XXYLT1: variants seen among roughly 807,000 people sequenced by gnomAD.
XXYLT1 encodes the protein xyloside xylosyltransferase 1.
XXYLT1 carries 20 observed loss-of-function variants against 28.9 expected under a neutral mutation model. That is an observed-to-expected ratio of 0.69 (90% CI 0.49 to 1.00). The LOEUF (loss-of-function observed/expected upper bound fraction) is 1.00, where lower values mean the gene tolerates loss of function less well. XXYLT1 is among the 50% of genes least tolerant of loss of function. The pLI, the probability that XXYLT1 is intolerant of heterozygous loss-of-function variation, is 0.00. For missense variants in XXYLT1, 542 were observed against 560.1 expected, an observed-to-expected ratio of 0.97 and a Z score of 0.33; for synonymous variants, 257 against 253.8, an observed-to-expected ratio of 1.01 and a Z score of -0.12.
At chr3:195,186,504 A>C (rs890756920) in intron 2 of XXYLT1, among the ~76,000 whole-genome samples, 1 of 151,774 alleles carries the variant, frequency 6.6e-6, no homozygotes, top group African/African-American at 2.4e-5. Context: ...AAGCTTTTCC[A>C]CTCAATATGC....
intron 2 of XXYLT1, among the ~76,000 whole-genome samples, chr3:195,197,506 A>G (rs961251081): frequency 2.0e-5 from 3 of 152,158 alleles, no homozygotes; most frequent in African/African-American, 7.2e-5. Flanking sequence ...TGAGAACCAA[A>G]TATTAGTGGC....
At position 195,271,114 on chromosome 3, in the gene XXYLT1, C is replaced by T; in HGVS notation, c.-56G>A. The T allele has an allele frequency of 1.6e-6, 2 of 1,278,440 alleles. No homozygotes were observed. The highest frequency in any genetic ancestry group is 2.0e-6 in the Non-Finnish European group (2 of 1,014,938). The allele number at this position is 1,278,440 out of a possible 1,614,324, so 79.2% of individuals were successfully genotyped here. ...AGCAACGCGGGAGAGCCCTCGGGTA[C>T]CCGGACGCCGGCGGCCACTTAGCCC... On this transcript the variant is annotated 5_prime_UTR_variant, in exon 1 of 4. Coordinates refer to ENST00000310380, the MANE Select transcript of XXYLT1 (RefSeq NM_152531.5).
At position 195,156,504 on chromosome 3, in the gene XXYLT1, T is replaced by C. The variant is rs1243807507; in HGVS notation, c.730A>G (p.Ser244Gly). 2 of 1,614,226 alleles carry C rather than the reference T, an allele frequency of 1.2e-6. No individual in the cohort carries two copies. Among genetic ancestry groups the C allele is most frequent in the South Asian group, 1.1e-5 (1 of 91,090 alleles). The part of the protein sequence containing the change: ...NIRELFEEFD[S>G]FLPGAIIGIA... ...CCGATGATGGCGCCTGGCAGGAAAC[T>C]GTCAAATTCCTCAAACAACTCCCGG... Residue 244 changes from serine to glycine, a missense_variant, in exon 3 of 4, where the codon AGT (serine) becomes GGT (glycine). Coordinates refer to ENST00000310380, the MANE Select transcript of XXYLT1 (RefSeq NM_152531.5).
At chr3:195,110,759 AGT>A (rs776332958) in intron 3 of XXYLT1, among the ~76,000 whole-genome samples, 3 of 81,262 alleles carry the variant, frequency 3.7e-5, no homozygotes, top group Admixed American at 1.2e-4. Context: ...GTGGTGTATA[AGT>A]GTGTGTGGTG....
chr3:195,137,597 T>G (rs1719266255), intron 3 of XXYLT1, among the ~76,000 whole-genome samples: 1 of 152,212 alleles, frequency 6.6e-6, no homozygotes, highest in South Asian at 2.1e-4. Context: ...ACAAATTCCT[T>G]CTGGCTTCAG....
chr3:195,139,559 T>C (rs1236204312), intron 3 of XXYLT1, among the ~76,000 whole-genome samples: 1 of 152,334 alleles, frequency 6.6e-6, no homozygotes, highest in Non-Finnish European at 1.5e-5. Flanking sequence ...CTCTAGGCTA[T>C]ATACCTCTTG....
At chr3:195,172,473 C>A (rs1250284950) in intron 2 of XXYLT1, among the ~76,000 whole-genome samples, 1 of 152,232 alleles carries the variant, frequency 6.6e-6, no homozygotes, top group African/African-American at 2.4e-5. Flanking sequence ...CAACAACACA[C>A]TGCAAAGTTC....
At chr3:195,188,391 C>G (rs1316302193) in intron 2 of XXYLT1, among the ~76,000 whole-genome samples, 2 of 152,198 alleles carry the variant, frequency 1.3e-5, no homozygotes, top group Non-Finnish European at 2.9e-5. Context: ...ATTGCCATGG[C>G]AACAACCTGA....
Position 195,238,195 on chromosome 3 carries a change from C to G in XXYLT1, c.505-11339G>C, listed in dbSNP as rs193152627. ...TGGGCAGCACTGAACCAGGCAGTCT[C>G]CCGTCTACTGGCCACACCTGGATGA... On this transcript the variant is annotated intron_variant, in intron 1 of 3. Transcript: ENST00000310380. Among the ~76,000 whole-genome samples, 4 of 152,286 alleles carry G rather than the reference C, an allele frequency of 2.6e-5. No individual in the cohort carries two copies. In the East Asian group the frequency reaches 5.8e-4, roughly 22 times the overall value.
intron 2 of XXYLT1, among the ~76,000 whole-genome samples, chr3:195,169,804 A>G (rs891508161): frequency 6.6e-6 from 1 of 151,432 alleles, no homozygotes; most frequent in African/African-American, 2.4e-5. Flanking sequence ...TATATGTTCT[A>G]TGTAGGAGTA....
At chr3:195,247,211 G>C (rs1725059524) in intron 1 of XXYLT1, among the ~76,000 whole-genome samples, 1 of 152,212 alleles carries the variant, frequency 6.6e-6, no homozygotes. Context: ...GGTGAGATGG[G>C]AGAAGAGGGC....
chr3:195,148,438 T>G (rs1719989528), intron 3 of XXYLT1, among the ~76,000 whole-genome samples: 1 of 142,546 alleles, frequency 7.0e-6, no homozygotes, highest in South Asian at 2.3e-4. Context: ...AGGCTCAATC[T>G]TGGTTAATTT....
chr3:195,236,716 A>G (rs1167804919), intron 1 of XXYLT1, among the ~76,000 whole-genome samples: 1 of 152,058 alleles, frequency 6.6e-6, no homozygotes, highest in Non-Finnish European at 1.5e-5. Flanking sequence ...ATCTGAAGCC[A>G]GCAGGTCTCA....
At chr3:195,178,648 C>G (rs1424766381) in intron 2 of XXYLT1, among the ~76,000 whole-genome samples, 1 of 152,202 alleles carries the variant, frequency 6.6e-6, no homozygotes, top group Non-Finnish European at 1.5e-5. Flanking sequence ...TGTGTCTGCC[C>G]TCTCCCAGTG....
Position 195,129,638 on chromosome 3 carries a change from T to G in XXYLT1, c.785+26811A>C, listed in dbSNP as rs945748957. On this transcript the variant is annotated intron_variant, in intron 3 of 3. Coordinates refer to ENST00000310380, the MANE Select transcript of XXYLT1 (RefSeq NM_152531.5). The surrounding 1 kb of genome is among the most constrained non-coding windows in gnomAD (Gnocchi z 4.4). ...TCATCAGTTGATAGACATTTGGTGA[T>G]TTCCACCTTTTGGCTATTATGAATA... Among the ~76,000 whole-genome samples the G allele has an allele frequency of 6.6e-6, 1 of 152,244 alleles. No individual in the cohort carries two copies. Among genetic ancestry groups the G allele is most frequent in the Non-Finnish European group, 1.5e-5 (1 of 68,034 alleles).
chr3:195,112,704 T>C (rs1211964369), intron 3 of XXYLT1, among the ~76,000 whole-genome samples: 2 of 122,206 alleles, frequency 1.6e-5, no homozygotes, highest in Non-Finnish European at 3.4e-5. Context: ...CACACACACG[T>C]ATGCACACAC....
intron 3 of XXYLT1, among the ~76,000 whole-genome samples, chr3:195,083,003 C>G (rs1333592626): frequency 6.6e-6 from 1 of 152,224 alleles, no homozygotes; most frequent in African/African-American, 2.4e-5. Context: ...CATGTCTGCA[C>G]ATTTCTGCTG....
At chr3:195,226,659 A>G (rs555417056) in intron 2 of XXYLT1, 50 bp downstream of exon 2, 1 of 1,589,486 alleles carries the variant, frequency 6.3e-7, no homozygotes, top group Non-Finnish European at 8.6e-7. Context: ...AGGGAAATGG[A>G]TGCAAAAGTC....
At chr3:195,237,920 C>A (rs187259133) in intron 1 of XXYLT1, among the ~76,000 whole-genome samples, 4 of 152,232 alleles carry the variant, frequency 2.6e-5, no homozygotes, top group African/African-American at 9.6e-5. Flanking sequence ...CACCCCTCCG[C>A]TTCCTCTCAC....
Sources: allele counts gnomAD v4.1 joint callset (sites outside exome capture counted in the v4.1 genomes callset), GRCh38; gene constraint gnomAD v4.1.1; non-coding constraint Gnocchi (gnomAD v3.1); transcripts MANE v1.5; gene names NCBI Gene and HGNC (gene_info 2026-07-23, HGNC 2026-07-21).